Variants in NHSL2 observed in about 807,000 individuals in gnomAD.
The protein encoded by NHSL2 is NHS-like protein 2.
A neutral mutation model predicts 53.4 loss-of-function variants in NHSL2; 27 were observed. That is an observed-to-expected ratio of 0.51 (90% CI 0.37 to 0.70). The LOEUF (loss-of-function observed/expected upper bound fraction) is 0.70, where lower values mean the gene tolerates loss of function less well. NHSL2 is among the 30% of genes least tolerant of loss of function. The probability of loss-of-function intolerance (pLI) is 0.00; values close to 1 mark genes in which losing one functional copy is unlikely to be tolerated. For synonymous variants in NHSL2, 408 were observed against 404.1 expected (o/e 1.01, Z -0.12); for missense variants, 892 against 980.1 (o/e 0.91, Z 1.20).
chrX:71,991,818 T>TTCTCTCTCTCTCTCTCTCTC (rs59851052), intron 1 of NHSL2, among the ~76,000 whole-genome samples: 32 of 99,848 alleles, frequency 3.2e-4, no homozygotes, highest in African/African-American at 1.1e-3. Flanking sequence ...GTCTTTCTCT[T>TTCTCTCTCTCTCTCTCTCTC]TCTCTCTCTC....
At chrX:72,039,749 T>G (rs1010773115) in intron 1 of NHSL2, among the ~76,000 whole-genome samples, 1 of 111,933 alleles carries the variant, frequency 8.9e-6, no homozygotes, top group Non-Finnish European at 1.9e-5. Context: ...CATCTCATTG[T>G]GGCCTGTTAA....
At chrX:71,948,954 C>A (rs72630024) in intron 1 of NHSL2, among the ~76,000 whole-genome samples, 12,190 of 101,578 alleles carry the variant, frequency 0.12, 959 homozygotes, top group African/African-American at 0.26. Context: ...GATGGGGTTT[C>A]GCCATGTTGC....
At chrX:72,091,676 G>T (rs1220653800) in intron 1 of NHSL2, among the ~76,000 whole-genome samples, 28 of 111,091 alleles carry the variant, frequency 2.5e-4, no homozygotes, top group Non-Finnish European at 5.7e-5. Flanking sequence ...TTTTCCAGTT[G>T]TTCCCCATGA....
chrX:72,115,350 C>T (rs1170526941), intron 1 of NHSL2, among the ~76,000 whole-genome samples: 1 of 100,243 alleles, frequency 1.0e-5, no homozygotes, highest in Non-Finnish European at 2.0e-5. Context: ...CCTTACTGTC[C>T]TGAAAAGCTG....
intron 1 of NHSL2, among the ~76,000 whole-genome samples, chrX:72,061,826 C>T (rs987724654): frequency 3.6e-5 from 4 of 112,149 alleles, no homozygotes. Context: ...TCTGCCAGCT[C>T]CTTCTCAGGC....
intron 1 of NHSL2, among the ~76,000 whole-genome samples, chrX:72,105,003 G>A (rs1406243174): frequency 8.9e-6 from 1 of 111,942 alleles, no homozygotes; most frequent in South Asian, 3.7e-4. Context: ...GAGCAGGATC[G>A]GTCAGAGACA....
At chrX:72,003,506 G>T (rs1462178751) in intron 1 of NHSL2, among the ~76,000 whole-genome samples, 1 of 111,346 alleles carries the variant, frequency 9.0e-6, no homozygotes, top group Non-Finnish European at 1.9e-5. Flanking sequence ...CCTAGAACTG[G>T]GTTCAACTCT....
At position 72,049,015 on chromosome X, in the gene NHSL2, G is replaced by A. The variant is rs184158712; in HGVS notation, c.281-83064G>A. 2.8e-3 allele frequency among the ~76,000 whole-genome samples: 229 copies of A among 82,521 alleles called. 1 individual carries two copies. Among genetic ancestry groups the A allele is most frequent in the African/African-American group, 6.5e-3 (86 of 13,226 alleles). 71.7% of individuals were successfully genotyped at this position (82,521 alleles called of 115,157 possible). A position where few individuals can be genotyped will look rare whatever the true frequency, so the allele number is the denominator to read the frequency against. Reference sequence around the variant, plus strand: ...AAGAAGAAGAAGAAGAAGAAGAAGAGGAAGAGGAAGAGGAAGAGGAAGAGG... The same window carrying A: ...AAGAAGAAGAAGAAGAAGAAGAAGAAGAAGAGGAAGAGGAAGAGGAAGAGG... On this transcript the variant is annotated intron_variant, in intron 1 of 7. Transcript: ENST00000633930.
At chrX:72,131,066 C>G in intron 1 of NHSL2, 1 of 1,210,381 alleles carries the variant, frequency 8.3e-7, no homozygotes. Flanking sequence ...TAGACTGGGT[C>G]TCCTGAAAAG....
chrX:72,133,354 C>T (rs2042324893), intron 2 of NHSL2, among the ~76,000 whole-genome samples: 1 of 112,118 alleles, frequency 8.9e-6, no homozygotes, highest in African/African-American at 3.2e-5. Flanking sequence ...AGAGCAACCC[C>T]AAATCTCTGT....
chrX:72,088,254 G>C (rs1458164831), intron 1 of NHSL2, among the ~76,000 whole-genome samples: 2 of 111,791 alleles, frequency 1.8e-5, no homozygotes, highest in African/African-American at 6.5e-5. Flanking sequence ...AACAAAAACT[G>C]GTTAGTTCTA....
At chrX:72,112,306 G>A (rs868394959) in intron 1 of NHSL2, among the ~76,000 whole-genome samples, 12 of 111,039 alleles carry the variant, frequency 1.1e-4, no homozygotes, top group African/African-American at 3.9e-4. Flanking sequence ...GGAGCAACGG[G>A]ATGTGATTTA....
At chrX:72,117,924 A>G (rs1408712546) in intron 1 of NHSL2, among the ~76,000 whole-genome samples, 2 of 109,734 alleles carry the variant, frequency 1.8e-5, no homozygotes, top group Non-Finnish European at 3.8e-5. Flanking sequence ...TAATGCAGCT[A>G]TGAACATTCA....
Position 71,974,700 on chromosome X carries a change from A to G in NHSL2, c.280+63333A>G, listed in dbSNP as rs768746570. ...CACAAATGCAGAAAAGCAGATTGTG[A>G]CATTGCTGTGACTTTGAACTGCTTT... is the stretch of plus-strand genomic sequence containing the variant. On this transcript the variant is annotated intron_variant, in intron 1 of 7. Transcript: ENST00000633930. Among the ~76,000 whole-genome samples, 4 of 112,420 alleles carry G rather than the reference A, an allele frequency of 3.6e-5. No homozygotes were observed. The South Asian group carries it at 1.5e-3, about 42-fold the overall frequency.
At chrX:71,980,560 GGTGTGTGGGGTGTGTGTGTGTGTGT>G (rs1428986093) in intron 1 of NHSL2, among the ~76,000 whole-genome samples, 45 of 99,470 alleles carry the variant, frequency 4.5e-4, no homozygotes, top group Middle Eastern at 5.0e-3. Flanking sequence ...GTGTGTGTGG[GGTGTGTGGGGTGTGTGTGTGTGTGT>G]GTGTGTGTGT....
chrX:72,114,157 G>A (rs190570104), intron 1 of NHSL2, among the ~76,000 whole-genome samples: 25 of 112,314 alleles, frequency 2.2e-4, no homozygotes, highest in African/African-American at 8.1e-4. Context: ...CTGGTGTGTA[G>A]GATTATGAAT....
intron 1 of NHSL2, among the ~76,000 whole-genome samples, chrX:72,111,184 G>A (rs905589723): frequency 8.9e-6 from 1 of 112,294 alleles, no homozygotes; most frequent in African/African-American, 3.2e-5. Flanking sequence ...GCATCTGGCC[G>A]GCCACCCTAC....
chrX:72,089,769 C>G (rs1474892779), intron 1 of NHSL2, among the ~76,000 whole-genome samples: 1 of 110,543 alleles, frequency 9.0e-6, no homozygotes, highest in East Asian at 2.8e-4. Context: ...TTTTAGAATG[C>G]AGATCCCTCT....
chrX:71,956,304 C>T (rs1180685092), intron 1 of NHSL2, among the ~76,000 whole-genome samples: 1 of 111,915 alleles, frequency 8.9e-6, no homozygotes, highest in East Asian at 2.8e-4. Flanking sequence ...AAAGTTTCCC[C>T]TTATTGATCA....
Sources: allele counts gnomAD v4.1 joint callset (sites outside exome capture counted in the v4.1 genomes callset), GRCh38; gene constraint gnomAD v4.1.1; transcripts MANE v1.5; gene names NCBI Gene and HGNC (gene_info 2026-07-23, HGNC 2026-07-21).